The following CD27 variants were observed in gnomAD, a reference collection of about 807,000 sequenced individuals.
CD27 encodes CD27 molecule.
A neutral mutation model predicts 25.9 loss-of-function variants in CD27; 16 were observed. The observed-to-expected ratio is 0.62, with a 90% confidence interval of 0.42 to 0.94. The LOEUF is 0.94. Ranked by LOEUF, CD27 falls within the 40% of genes least tolerant of loss-of-function variation. The pLI is 0.00. For missense variants in CD27, 300 were observed against 333.2 expected (o/e 0.90, Z 0.78); for synonymous variants, 142 against 124.3 (o/e 1.14, Z -0.95).
chr12:6,450,285 G>A lies in CD27; in HGVS notation c.381G>A (p.Ser127=), dbSNP rs183017614. ...AGTGTGATCCTCTTCCAAACCCTTC[G>A]CTGACCGCTCGGTCGTCTCAGGCCC... ...CTECDPLPNP[S]LTARSSQALS... is the part of the protein sequence containing the mutation. Residue 127 remains serine, a synonymous_variant, in exon 3 of 6, where the codon TCG becomes TCA. Transcript: ENST00000266557. The surrounding 1 kb of genome is among the most constrained non-coding windows in gnomAD (Gnocchi z 4.1). 3.1e-6 allele frequency: 5 copies of A among 1,613,780 alleles called. No homozygotes were observed. The highest frequency in any genetic ancestry group is 2.2e-5 in the East Asian group (1 of 44,882).
At chr12:6,444,922 A>AG, upstream of CD27, 1 of 645,700 alleles carries the variant, frequency 1.5e-6, no homozygotes. Flanking sequence ...GCTATGAGAG[A>AG]GAAAAAAAAA....
chr12:6,450,013 G>A lies in CD27; in HGVS notation c.269-160G>A. On this transcript the variant is annotated intron_variant, in intron 2 of 5. Transcript: ENST00000266557. This position sits in a 1 kb window ranked among gnomAD's most constrained non-coding sequence, Gnocchi z 4.1. ...AATAATAATGGCAAAGGCATTGGGGGACCGTGAGCAAAGGGCAGGCCTTTG... is the reference window on the plus strand; with the variant it reads ...AATAATAATGGCAAAGGCATTGGGGAACCGTGAGCAAAGGGCAGGCCTTTG... Among the ~76,000 whole-genome samples, 1 of 152,188 alleles carries A rather than the reference G, an allele frequency of 6.6e-6. No homozygotes were observed. The highest frequency in any genetic ancestry group is 2.1e-4 in the South Asian group (1 of 4,812).
Sources: allele counts gnomAD v4.1 joint callset (sites outside exome capture counted in the v4.1 genomes callset), GRCh38; gene constraint gnomAD v4.1.1; non-coding constraint Gnocchi (gnomAD v3.1); transcripts MANE v1.5; gene names NCBI Gene and HGNC (gene_info 2026-07-23, HGNC 2026-07-21).